The following PGC variants were observed in gnomAD, a reference collection of about 807,000 sequenced individuals.
PGC encodes gastricsin.
In PGC, 31 loss-of-function variants were observed where a neutral mutation model predicts 45.9. The ratio of observed to expected loss-of-function variants is 0.67; its 90% CI spans 0.51 to 0.91. The LOEUF (loss-of-function observed/expected upper bound fraction) is 0.91. PGC is among the 40% of genes least tolerant of loss of function. PGC has a pLI of 0.00. For missense variants in PGC, 477 were observed against 493.2 expected (o/e 0.97, Z 0.31); for synonymous variants, 192 against 201.8 (o/e 0.95, Z 0.41).
rs748825957 is a variant in PGC at position 41,736,929 on chromosome 6, C to T, written c.1090G>A (p.Gly364Arg). The change falls in exon 9 of 9, where the codon GGG becomes AGG. Residue 364 changes from glycine (G) to arginine (R), a missense_variant. Gly to Arg is a moderately radical substitution (Grantham distance 125). Coordinates refer to ENST00000373025, the MANE Select transcript of PGC (RefSeq NM_002630.4). ...TAGTAGGACCTGAGGAAGACATCCC[C>T]GAGGATCCACAGGGGCTGGCCGTTC... Reference protein sequence around the residue: ...SQNGQPLWILGDVFLRSYYSV... With the variant: ...SQNGQPLWILRDVFLRSYYSV... The T allele has an allele frequency of 6.2e-7, 1 of 1,613,902 alleles. No homozygotes were observed. Among genetic ancestry groups the T allele is most frequent in the South Asian group, 1.1e-5 (1 of 91,076 alleles).
At chr6:41,740,805 G>A in intron 5 of PGC, 195 bp from the exon 6 acceptor site, 7 of 1,426,562 alleles carry the variant, frequency 4.9e-6, no homozygotes, top group Non-Finnish European at 6.4e-6. Context: ...AGCTCCCTGA[G>A]GATGGGGCTG....
At chr6:41,738,205 T>TATATATATACATATATATAC (rs1554138634) in intron 7 of PGC, among the ~76,000 whole-genome samples, 1 of 63,366 alleles carries the variant, frequency 1.6e-5, no homozygotes, top group African/African-American at 6.2e-5. Flanking sequence ...TATATATGCA[T>TATATATATACATATATATAC]ATATATATGC....
Position 41,744,268 on chromosome 6 carries a change from CA to C in PGC, c.328+128del. ...CTTGGGCATGCTGTGTGGCCCTGCA[CA>C]TGTCCCTGGTCCTCCCCAGGACTGA... On this transcript the variant is annotated intron_variant, in intron 3 of 8. Coordinates refer to ENST00000373025, the MANE Select transcript of PGC (RefSeq NM_002630.4). The surrounding 1 kb of genome is among the most constrained non-coding windows in gnomAD (Gnocchi z 4.4). The C allele has an allele frequency of 1.6e-6, 1 of 634,676 alleles. No homozygotes were observed. Among genetic ancestry groups the C allele is most frequent in the Non-Finnish European group, 2.8e-6 (1 of 355,524 alleles). The allele number at this position is 634,676 out of a possible 1,614,324, so 39.3% of individuals were successfully genotyped here.
rs1771900507 is a variant in PGC, at chr6:41,744,892, T to C, written c.60-84A>G. On this transcript the variant is annotated intron_variant, in intron 1 of 8. Transcript: ENST00000373025. The surrounding 1 kb of genome is among the most constrained non-coding windows in gnomAD (Gnocchi z 4.4). ...TCTTTCTCTCTCTCCTTCTCTTAAC[T>C]GCATGCTTCAACCTCCCTGCCACTC... is the stretch of plus-strand genomic sequence containing the variant. The C allele has an allele frequency of 1.6e-6, 2 of 1,262,450 alleles. No homozygotes were observed. The highest frequency in any genetic ancestry group is 5.1e-5 in the East Asian group (2 of 39,596). The allele number at this position is 1,262,450 out of a possible 1,614,324, so 78.2% of individuals were successfully genotyped here. A position where few individuals can be genotyped will look rare whatever the true frequency, so the allele number is the denominator to read the frequency against.
At chr6:41,738,337 C>T (rs1442777527) in intron 7 of PGC, among the ~76,000 whole-genome samples, 1 of 150,590 alleles carries the variant, frequency 6.6e-6, no homozygotes, top group African/African-American at 2.5e-5. Context: ...TTTTAAAACA[C>T]GCAGATCTGG....
intron 7 of PGC, among the ~76,000 whole-genome samples, chr6:41,738,987 A>G (rs1198782866): frequency 6.6e-6 from 1 of 152,146 alleles, no homozygotes; most frequent in African/African-American, 2.4e-5. Flanking sequence ...AAACAAAAAA[A>G]AAAGAAAAAC....
chr6:41,741,981 T>C (rs912025127), intron 5 of PGC: 13 of 706,364 alleles, frequency 1.8e-5, no homozygotes, highest in Non-Finnish European at 2.9e-5. Context: ...CAAGGGGTGC[T>C]GAGAATCAGA....
chr6:41,745,547 TAG>T (rs1771915409), intron 1 of PGC, among the ~76,000 whole-genome samples: 1 of 126,638 alleles, frequency 7.9e-6, no homozygotes, highest in Non-Finnish European at 1.6e-5. Context: ...CCAGGATATG[TAG>T]TTTTTTTTTT....
chr6:41,737,631 G>A (rs1396954497), intron 8 of PGC, 99 bp downstream of exon 8: 2 of 715,862 alleles, frequency 2.8e-6, no homozygotes, highest in East Asian at 2.6e-5. Flanking sequence ...GCGTGGAGTC[G>A]GAAAATGGCA....
Position 41,744,617 on chromosome 6 carries a change from C to A in PGC, c.210+41G>T, listed in dbSNP as rs1450322653. On this transcript the variant is annotated intron_variant, in intron 2 of 8. Transcript: ENST00000373025. This position sits in a 1 kb window ranked among gnomAD's most constrained non-coding sequence, Gnocchi z 4.4. ...GGACCTGCCCCTTCCCTCCAGCCCA[C>A]ACCAGAGAGAAGGCTACCGCCAGAA... 1 of 1,610,090 alleles carries A rather than the reference C, an allele frequency of 6.2e-7. No homozygotes were observed. The highest frequency in any genetic ancestry group is 1.7e-5 in the Admixed American group (1 of 59,900).
intron 5 of PGC, chr6:41,741,159 G>T: frequency 6.5e-7 from 1 of 1,536,758 alleles, no homozygotes; most frequent in African/African-American, 1.4e-5. Context: ...GGTGAAGGGG[G>T]TAAGGATATT....
At chr6:41,740,073 G>T in intron 6 of PGC, 127 bp from the exon 7 acceptor site, 2 of 768,410 alleles carry the variant, frequency 2.6e-6, no homozygotes, top group Non-Finnish European at 4.2e-6. Flanking sequence ...ACCCTGCAAA[G>T]ATCAATCCGG....
chr6:41,739,651 T>C (rs1464567815), intron 7 of PGC, 148 bp downstream of exon 7: 14 of 737,878 alleles, frequency 1.9e-5, no homozygotes, highest in Non-Finnish European at 6.6e-6. Flanking sequence ...ACTCCTGGGC[T>C]CAAAAGATCT....
In PGC at chr6:41,737,717, G is replaced by A; in HGVS notation, c.1014+13C>T. ...CAATCATGGTGGCTCAGCCTGCAGG[G>A]ACCAGGACTTACACTGAGGATATAG... On this transcript the variant is annotated intron_variant, in intron 8 of 8. Transcript: ENST00000373025. 6.7e-7 allele frequency: 1 copy of A among 1,502,682 alleles called. No homozygotes were observed. The highest frequency in any genetic ancestry group is 2.3e-5 in the East Asian group (1 of 44,274). The allele number at this position is 1,502,682 out of a possible 1,614,324, so 93.1% of individuals were successfully genotyped here. A position where few individuals can be genotyped will look rare whatever the true frequency, so the allele number is the denominator to read the frequency against.
Position 41,747,323 on chromosome 6 carries a change from C to T in PGC, c.12G>A (p.Met4Ile), listed in dbSNP as rs977152854. Residue 4 changes from methionine (M) to isoleucine (I), a missense_variant, in exon 1 of 9, where the codon ATG becomes ATA. Physicochemically the swap from Met to Ile is conservative, Grantham distance 10. Transcript: ENST00000373025. MKW[M>I]VVVLVCLQLL... Reference sequence around the variant, plus strand: ...GCTGGAGGCAGACCAAGACCACCACCATCCACTTCATGATGCTGGTCCCCA... The same window carrying T: ...GCTGGAGGCAGACCAAGACCACCACTATCCACTTCATGATGCTGGTCCCCA... 6.2e-6 allele frequency: 10 copies of T among 1,613,928 alleles called. No homozygotes were observed. Among genetic ancestry groups the T allele is most frequent in the Non-Finnish European group, 8.5e-6 (10 of 1,179,924 alleles).
intron 7 of PGC, among the ~76,000 whole-genome samples, chr6:41,738,567 G>T (rs1771760306): frequency 6.6e-6 from 1 of 151,854 alleles, no homozygotes; most frequent in African/African-American, 2.4e-5. Context: ...GGCGGAGCTT[G>T]CAGTGAGCTG....
intron 5 of PGC, chr6:41,741,206 T>TGTGGAGCTGG (rs1319219317): frequency 3.3e-6 from 5 of 1,522,486 alleles, no homozygotes; most frequent in Non-Finnish European, 4.4e-6. Flanking sequence ...GTAGCTGGAG[T>TGTGGAGCTGG]GTGGAGCTGG....
intron 5 of PGC, 96 bp from the exon 6 acceptor site, chr6:41,740,706 C>A (rs1312810864): frequency 2.7e-6 from 4 of 1,496,584 alleles, no homozygotes; most frequent in African/African-American, 1.4e-5. Context: ...AGCTCCTTCC[C>A]TGATCCAGAC....
At chr6:41,740,878 A>G in intron 5 of PGC, 1 of 1,431,052 alleles carries the variant, frequency 7.0e-7, no homozygotes, top group Non-Finnish European at 9.1e-7. Context: ...GGGCTCCCTG[A>G]GGATGGGGCT....
Sources: gnomAD v4.1 joint callset for allele counts (sites outside exome capture counted in the v4.1 genomes callset) on GRCh38, gnomAD v4.1.1 for gene constraint, Gnocchi (gnomAD v3.1) non-coding constraint, MANE v1.5 for transcripts, NCBI Gene and HGNC (gene_info 2026-07-23, HGNC 2026-07-21) for gene names.